The following RAMP3 variants were observed in gnomAD, a reference collection of about 807,000 sequenced individuals.
RAMP3 encodes receptor activity-modifying protein 3.
In RAMP3, 14 loss-of-function variants were observed where a neutral mutation model predicts 13.5. That is an observed-to-expected ratio of 1.04 (90% CI 0.69 to 1.63). The LOEUF is 1.63. Ranked by LOEUF, RAMP3 falls within the 40% of genes most tolerant of loss-of-function variation. RAMP3 has a pLI of 0.00. For missense variants in RAMP3, 200 were observed against 204.8 expected, an observed-to-expected ratio of 0.98 and a Z score of 0.14; for synonymous variants, 106 against 88.3, an observed-to-expected ratio of 1.20 and a Z score of -1.12.
chr7:45,162,072 G>A (rs1785877986), intron 1 of RAMP3, among the ~76,000 whole-genome samples: 2 of 152,218 alleles, frequency 1.3e-5, no homozygotes, highest in Admixed American at 6.5e-5. Flanking sequence ...GTCCTCGTGT[G>A]ACTCCACGTG....
chr7:45,166,716 A>T (rs1055740782), intron 1 of RAMP3, among the ~76,000 whole-genome samples: 1 of 152,080 alleles, frequency 6.6e-6, no homozygotes. Context: ...GGTGTCATGT[A>T]TAAGAAGGCT....
intron 2 of RAMP3, among the ~76,000 whole-genome samples, chr7:45,177,766 C>G (rs1444107811): frequency 2.6e-5 from 4 of 152,208 alleles, no homozygotes; most frequent in African/African-American, 9.7e-5. Flanking sequence ...CAGCTTCCTA[C>G]CCCCCATTCC....
Position 45,183,487 on chromosome 7 carries a change from G to A in RAMP3, c.*75G>A, listed in dbSNP as rs1296066464. On this transcript the variant is annotated 3_prime_UTR_variant, in exon 3 of 3. Transcript: ENST00000242249. The stretch of plus-strand genomic sequence containing the variant: ...TCCCTGGGGATGGGAGAGCGGGTGG[G>A]TGCTGCCAATCTCCAGCTACTGTGG... 6.4e-7 allele frequency: 1 copy of A among 1,572,094 alleles called. No homozygotes were observed.
chr7:45,179,760 G>C (rs1786265100), intron 2 of RAMP3, among the ~76,000 whole-genome samples: 1 of 152,210 alleles, frequency 6.6e-6, no homozygotes, highest in Non-Finnish European at 1.5e-5. Context: ...CTGAGGGCAT[G>C]AGCTTGCAGC....
intron 1 of RAMP3, among the ~76,000 whole-genome samples, chr7:45,162,811 T>C (rs1785889912): frequency 1.3e-5 from 2 of 152,142 alleles, no homozygotes; most frequent in South Asian, 4.1e-4. Context: ...GAGGGGCAAG[T>C]GAGTGAGTGT....
intron 2 of RAMP3, 125 bp from the exon 3 acceptor site, chr7:45,183,032 G>A: frequency 7.5e-7 from 1 of 1,331,666 alleles, no homozygotes; most frequent in East Asian, 2.4e-5. Context: ...TCCAAGGCTG[G>A]GCTGTGAATA....
chr7:45,180,757 G>C (rs1786293321), intron 2 of RAMP3, among the ~76,000 whole-genome samples: 1 of 152,236 alleles, frequency 6.6e-6, no homozygotes, highest in African/African-American at 2.4e-5. Context: ...AGTCTGACTG[G>C]GGGGTTTGCC....
chr7:45,159,840 A>T (rs3779391), intron 1 of RAMP3, among the ~76,000 whole-genome samples: 46,840 of 152,166 alleles, frequency 0.31, 9,240 homozygotes, highest in African/African-American at 0.56. Flanking sequence ...ACTGGGCCTC[A>T]TGAGGCTCAC....
intron 1 of RAMP3, among the ~76,000 whole-genome samples, chr7:45,166,294 C>G (rs991880481): frequency 2.0e-5 from 3 of 152,004 alleles, no homozygotes. Context: ...TTCAACCTCC[C>G]AAATGTCTGG....
intron 1 of RAMP3, among the ~76,000 whole-genome samples, chr7:45,162,736 A>G (rs140500985): frequency 7.9e-5 from 12 of 152,248 alleles, no homozygotes; most frequent in Non-Finnish European, 1.3e-4. Flanking sequence ...GGAAAGAGAA[A>G]TGGGGCAAGG....
intron 1 of RAMP3, among the ~76,000 whole-genome samples, chr7:45,167,027 C>T (rs528263532): frequency 4.9e-5 from 7 of 142,884 alleles, no homozygotes; most frequent in Non-Finnish European, 9.0e-5. Flanking sequence ...GTATGATCTC[C>T]GCTCACTGCA....
At chr7:45,173,352 C>A (rs1166987877) in intron 1 of RAMP3, among the ~76,000 whole-genome samples, 3 of 152,240 alleles carry the variant, frequency 2.0e-5, no homozygotes, top group African/African-American at 7.2e-5. Flanking sequence ...ACAAAATCCA[C>A]ACTATAGCTG....
intron 1 of RAMP3, among the ~76,000 whole-genome samples, chr7:45,176,460 C>A (rs1166544290): frequency 6.6e-6 from 1 of 151,856 alleles, no homozygotes; most frequent in Non-Finnish European, 1.5e-5. Flanking sequence ...CACACACACA[C>A]CCGAGACACA....
chr7:45,172,618 G>A (rs975659250), intron 1 of RAMP3, among the ~76,000 whole-genome samples: 2 of 152,202 alleles, frequency 1.3e-5, no homozygotes, highest in African/African-American at 2.4e-5. Flanking sequence ...TGGGACCACA[G>A]GTGCACGCCT....
chr7:45,169,040 G>T (rs1487111216), intron 1 of RAMP3, among the ~76,000 whole-genome samples: 2 of 152,092 alleles, frequency 1.3e-5, no homozygotes, highest in Admixed American at 6.6e-5. Context: ...TGATCGTGTG[G>T]TTCCCCCCTT....
chr7:45,181,059 C>T lies in RAMP3; in HGVS notation c.192-2098C>T, dbSNP rs1484988709. Among the ~76,000 whole-genome samples, 4 of 152,352 alleles carry T rather than the reference C, an allele frequency of 2.6e-5. No individual in the cohort carries two copies. In the South Asian group the frequency reaches 8.3e-4, roughly 32 times the overall value. ...GGCTCACCCCATGACCTCCTCTGTGCCAGGCACTTGCTGGGGCACATGGAC... is the reference window on the plus strand; with the variant it reads ...GGCTCACCCCATGACCTCCTCTGTGTCAGGCACTTGCTGGGGCACATGGAC... On this transcript the variant is annotated intron_variant, in intron 2 of 2. Transcript: ENST00000242249.
In RAMP3 at chr7:45,167,501, T is replaced by A. The variant is rs111240847; in HGVS notation, c.58+9615T>A. Among the ~76,000 whole-genome samples the A allele has an allele frequency of 6.4e-3, 977 of 152,286 alleles. 10 individuals are homozygous for A. The highest frequency in any genetic ancestry group is 0.022 in the African/African-American group (922 of 41,552). ...TATGCCAGTACCATGCTATCTTGAT[T>A]ACTGTTGCCATGTTGTAAGTTGTAA... On this transcript the variant is annotated intron_variant, in intron 1 of 2. Transcript: ENST00000242249.
rs541632608 is a variant in RAMP3, at chr7:45,160,570, C to T, written c.58+2684C>T. ...CCACAGCCTCCCAAGGTCGACTGAC[C>T]GTGGCCCATGGCAGCCACTTGCCAG... On this transcript the variant is annotated intron_variant, in intron 1 of 2. Transcript: ENST00000242249. Among the ~76,000 whole-genome samples the T allele has an allele frequency of 1.6e-4, 24 of 152,080 alleles. No homozygotes were observed. In the South Asian group the frequency reaches 4.0e-3, roughly 25 times the overall value.
At chr7:45,179,084 G>T (rs2128658432) in intron 2 of RAMP3, among the ~76,000 whole-genome samples, 1 of 152,330 alleles carries the variant, frequency 6.6e-6, no homozygotes, top group South Asian at 2.1e-4. Context: ...CTTGGAGCTG[G>T]TGACACCAGG....
Sources: gnomAD v4.1 joint callset for allele counts (sites outside exome capture counted in the v4.1 genomes callset) on GRCh38, gnomAD v4.1.1 for gene constraint, MANE v1.5 for transcripts, NCBI Gene and HGNC (gene_info 2026-07-23, HGNC 2026-07-21) for gene names.